Variants in PPP6C observed in about 807,000 individuals in gnomAD.
PPP6C encodes serine/threonine-protein phosphatase 6 catalytic subunit.
A neutral mutation model predicts 39.8 loss-of-function variants in PPP6C; 11 were observed. The ratio of observed to expected loss-of-function variants is 0.28; its 90% CI spans 0.17 to 0.46. The LOEUF (loss-of-function observed/expected upper bound fraction) is 0.46. Among genes scored for constraint, PPP6C ranks in the 20% least tolerant of loss-of-function variants. The pLI, the probability that PPP6C is intolerant of heterozygous loss-of-function variation, is 1.00. For synonymous variants in PPP6C, 129 were observed against 130.3 expected (o/e 0.99, Z 0.07); for missense variants, 211 against 373.9 (o/e 0.56, Z 3.59).
In PPP6C at chr9:125,148,050, A is replaced by G. The variant is rs534128231; in HGVS notation, c.*1623T>C. On this transcript the variant is annotated 3_prime_UTR_variant, in exon 7 of 7. Transcript: ENST00000373547. ...TCATATAGCTATATAATTAAAAACT[A>G]TGTAAGGAGCTGGGTGGTTTGAGGG... The G allele has an allele frequency of 1.9e-4, 35 of 186,364 alleles. No homozygotes were observed. Among genetic ancestry groups the G allele is most frequent in the African/African-American group, 8.4e-4 (35 of 41,724 alleles). 11.5% of individuals were successfully genotyped at this position (186,364 alleles called of 1,614,324 possible).
At chr9:125,154,302 AAT>A (rs376047987) in intron 4 of PPP6C, among the ~76,000 whole-genome samples, 3 of 152,244 alleles carry the variant, frequency 2.0e-5, no homozygotes, top group African/African-American at 7.2e-5. Context: ...ACACCTAGGC[AAT>A]ATGATATAGC....
intron 6 of PPP6C, among the ~76,000 whole-genome samples, chr9:125,152,817 C>T (rs993544303): frequency 6.8e-6 from 1 of 147,638 alleles, no homozygotes; most frequent in Non-Finnish European, 1.5e-5. Context: ...GCAACATGAG[C>T]GAAACTCTTG....
rs1313622121 is a variant in PPP6C at position 125,148,477 on chromosome 9, G to A, written c.*1196C>T. ...AATTACTTACACAAAGCTGAAATAT[G>A]GTATCACAGACCTTTGCAAAAAAGA... is the stretch of plus-strand genomic sequence containing the variant. On this transcript the variant is annotated 3_prime_UTR_variant, in exon 7 of 7. Coordinates refer to ENST00000373547, the MANE Select transcript of PPP6C (RefSeq NM_002721.5). The A allele has an allele frequency of 1.3e-5, 2 of 148,336 alleles. No individual in the cohort carries two copies. Among genetic ancestry groups the A allele is most frequent in the African/African-American group, 5.0e-5 (2 of 39,904 alleles). 9.2% of individuals were successfully genotyped at this position (148,336 alleles called of 1,614,324 possible).
At chr9:125,184,854 C>T (rs1420028972) in intron 1 of PPP6C, among the ~76,000 whole-genome samples, 1 of 150,836 alleles carries the variant, frequency 6.6e-6, no homozygotes, top group Non-Finnish European at 1.5e-5. Context: ...TGGTAGTGCG[C>T]ACCTGTAATC....
At position 125,188,963 on chromosome 9, in the gene PPP6C, G is replaced by A. The variant is rs369262129; in HGVS notation, c.75+681C>T. Reference sequence around the variant, plus strand: ...AAATGAAATACTGAGTTAAGAAGGGGTTAAGGAGAAAGTATTTGTATTTAT... The same window carrying A: ...AAATGAAATACTGAGTTAAGAAGGGATTAAGGAGAAAGTATTTGTATTTAT... On this transcript the variant is annotated intron_variant, in intron 1 of 6. Transcript: ENST00000373547. The A allele has an allele frequency of 1.6e-4, 252 of 1,543,432 alleles. No individual in the cohort carries two copies. In the African/African-American group the frequency reaches 2.9e-3, roughly 18 times the overall value.
intron 6 of PPP6C, 30 bp from the exon 7 acceptor site, chr9:125,149,951 T>G: frequency 6.3e-7 from 1 of 1,599,082 alleles, no homozygotes; most frequent in Non-Finnish European, 8.5e-7. Flanking sequence ...TGTAAGTACT[T>G]AGCACTTAAA....
At chr9:125,171,879 TA>T (rs1564154341) in intron 1 of PPP6C, 1 of 460,366 alleles carries the variant, frequency 2.2e-6, no homozygotes. Flanking sequence ...TCTGGTAATT[TA>T]AAAAATAAAT....
intron 1 of PPP6C, among the ~76,000 whole-genome samples, chr9:125,173,304 G>A (rs936705428): frequency 6.6e-6 from 1 of 150,882 alleles, no homozygotes; most frequent in Non-Finnish European, 1.5e-5. Flanking sequence ...CTCAGCTGAG[G>A]CTGAGGCAGG....
intron 1 of PPP6C, chr9:125,171,892 G>A (rs1263261658): frequency 4.3e-6 from 2 of 462,172 alleles, no homozygotes; most frequent in Non-Finnish European, 8.8e-6. Context: ...AAAATAAATT[G>A]CAAACCACAC....
rs1300011925 is a variant in PPP6C at position 125,182,785 on chromosome 9, T to C, written c.75+6859A>G. On this transcript the variant is annotated intron_variant, in intron 1 of 6. Coordinates refer to ENST00000373547, the MANE Select transcript of PPP6C (RefSeq NM_002721.5). ...CCATAGTAACTTCCCACCCCTCCCC[T>C]GACCCAGCTGTGACAACCAAAAATG... Among the ~76,000 whole-genome samples, 3 of 148,650 alleles carry C rather than the reference T, an allele frequency of 2.0e-5. No individual in the cohort carries two copies. In the East Asian group the frequency reaches 5.9e-4, roughly 29 times the overall value.
chr9:125,176,900 G>A lies in PPP6C; in HGVS notation c.76-5720C>T, dbSNP rs147789080. 9.5e-4 allele frequency among the ~76,000 whole-genome samples: 144 copies of A among 152,282 alleles called. 1 individual carries two copies. The highest frequency in any genetic ancestry group is 8.6e-3 in the Admixed American group (131 of 15,284). ...GCTGGATACAGGGTGTTAAGAGAAA[G>A]TAAAGAATCAAGGATGACGCGGGAT... On this transcript the variant is annotated intron_variant, in intron 1 of 6. Coordinates refer to ENST00000373547, the MANE Select transcript of PPP6C (RefSeq NM_002721.5).
At chr9:125,176,222 G>A (rs1356315076) in intron 1 of PPP6C, among the ~76,000 whole-genome samples, 1 of 152,210 alleles carries the variant, frequency 6.6e-6, no homozygotes, top group African/African-American at 2.4e-5. Flanking sequence ...TAAACTGAAT[G>A]AGAAGAAAAA....
At chr9:125,163,991 C>T (rs757602018) in intron 2 of PPP6C, among the ~76,000 whole-genome samples, 6 of 149,752 alleles carry the variant, frequency 4.0e-5, no homozygotes, top group South Asian at 2.1e-4. Flanking sequence ...TATCTGCCAC[C>T]GCACCCCCGC....
Position 125,174,717 on chromosome 9 carries a change from C to G in PPP6C, c.76-3537G>C, listed in dbSNP as rs1335708777. ...TTGAGGTCAGGAGTTCGAGACCAGC[C>G]TAGCCAACATAGCAAAACCCTGTCT... On this transcript the variant is annotated intron_variant, in intron 1 of 6. Transcript: ENST00000373547. Among the ~76,000 whole-genome samples, 3 of 151,816 alleles carry G rather than the reference C, an allele frequency of 2.0e-5. No homozygotes were observed. In the East Asian group the frequency reaches 5.8e-4, roughly 29 times the overall value.
intron 2 of PPP6C, among the ~76,000 whole-genome samples, chr9:125,163,575 C>T (rs1273793353): frequency 1.3e-5 from 2 of 151,090 alleles, no homozygotes; most frequent in African/African-American, 2.4e-5. Context: ...GGATTACAGG[C>T]GCGTGCCAAC....
intron 1 of PPP6C, among the ~76,000 whole-genome samples, chr9:125,188,102 G>A (rs1057134604): frequency 6.6e-6 from 1 of 150,734 alleles, no homozygotes; most frequent in Non-Finnish European, 1.5e-5. Flanking sequence ...ACACTGAGTC[G>A]GGGCTGGGCA....
intron 1 of PPP6C, among the ~76,000 whole-genome samples, chr9:125,185,910 G>A (rs57817808): frequency 5.3e-5 from 8 of 152,058 alleles, no homozygotes; most frequent in Admixed American, 2.0e-4. Flanking sequence ...GCTTGAACCC[G>A]GGAGGCAGAG....
At position 125,148,838 on chromosome 9, in the gene PPP6C, C is replaced by T. The variant is rs1835868237; in HGVS notation, c.*835G>A. ...ATATGGCAGTTATGTTCTTTAGGCA[C>T]AGTTTAGTGATTTTTTTCAAAAATA... On this transcript the variant is annotated 3_prime_UTR_variant, in exon 7 of 7. Transcript: ENST00000373547. The T allele has an allele frequency of 6.6e-6, 1 of 152,002 alleles. No individual in the cohort carries two copies. Among genetic ancestry groups the T allele is most frequent in the African/African-American group, 2.4e-5 (1 of 41,394 alleles). 9.4% of individuals were successfully genotyped at this position (152,002 alleles called of 1,614,324 possible). A position where few individuals can be genotyped will look rare whatever the true frequency, so the allele number is the denominator to read the frequency against.
At chr9:125,157,538 T>G (rs1015896288) in intron 4 of PPP6C, among the ~76,000 whole-genome samples, 1 of 152,078 alleles carries the variant, frequency 6.6e-6, no homozygotes, top group Non-Finnish European at 1.5e-5. Context: ...TGTACATATA[T>G]AAACACACAT....
Sources: gnomAD v4.1 joint callset for allele counts (sites outside exome capture counted in the v4.1 genomes callset) on GRCh38, gnomAD v4.1.1 for gene constraint, MANE v1.5 for transcripts, NCBI Gene and HGNC (gene_info 2026-07-23, HGNC 2026-07-21) for gene names.